Variants in SPATA31H1 observed in about 807,000 individuals in gnomAD.
SPATA31H1 encodes the protein spermatogenesis-associated protein 31H1.
chr2:27,554,386 A>G, the SPATA31H1 span, among the ~76,000 whole-genome samples: 88 of 152,100 alleles, frequency 5.8e-4, 4 homozygotes, highest in African/African-American at 2.1e-3. Context: ...GTAACAAAAT[A>G]TCATTAACTG....
the SPATA31H1 span, chr2:27,582,248 G>A: frequency 6.2e-7 from 1 of 1,612,704 alleles, no homozygotes; most frequent in Non-Finnish European, 8.5e-7. Context: ...CCGGGATGAG[G>A]CAAGGGAGGA....
the SPATA31H1 span, chr2:27,580,063 T>G: frequency 3.1e-6 from 5 of 1,614,188 alleles, no homozygotes; most frequent in Non-Finnish European, 3.4e-6. Flanking sequence ...GAGGTTCGGT[T>G]GCATCTTGGC....
the SPATA31H1 span, among the ~76,000 whole-genome samples, chr2:27,550,072 T>C: frequency 6.6e-6 from 1 of 152,048 alleles, no homozygotes; most frequent in African/African-American, 2.4e-5. Flanking sequence ...TATTTATCTA[T>C]AGATGTTTTG....
chr2:27,542,481 C>T, the SPATA31H1 span, among the ~76,000 whole-genome samples: 6 of 151,970 alleles, frequency 3.9e-5, no homozygotes, highest in African/African-American at 1.5e-4. Flanking sequence ...TAGAGGCTCT[C>T]ATATTGGATA....
chr2:27,540,565 G>C, the SPATA31H1 span, among the ~76,000 whole-genome samples: 1 of 140,462 alleles, frequency 7.1e-6, no homozygotes, highest in Admixed American at 6.9e-5. Flanking sequence ...GGTGGCTGCC[G>C]GGCGGAGACG....
chr2:27,573,109 CCA>C, the SPATA31H1 span: 1 of 397,460 alleles, frequency 2.5e-6, no homozygotes, highest in African/African-American at 2.1e-5. Flanking sequence ...TTGAAATCCT[CCA>C]CAGAGTCGGG....
the SPATA31H1 span, among the ~76,000 whole-genome samples, chr2:27,541,029 A>G: frequency 7.1e-6 from 1 of 141,186 alleles, no homozygotes; most frequent in Non-Finnish European, 1.5e-5. Flanking sequence ...TTGGGGGGCC[A>G]AGGCAGGCGG....
chr2:27,578,721 T>C, the SPATA31H1 span: 1 of 1,614,024 alleles, frequency 6.2e-7, no homozygotes, highest in African/African-American at 1.3e-5. Flanking sequence ...CTGTCAGAAG[T>C]TAACATCAGA....
chr2:27,578,065 C>A, the SPATA31H1 span: 1 of 1,614,142 alleles, frequency 6.2e-7, no homozygotes, highest in Non-Finnish European at 8.5e-7. Flanking sequence ...GTTGCTCAAT[C>A]TGAAGAGGTA....
chr2:27,560,934 T>C, the SPATA31H1 span, among the ~76,000 whole-genome samples: 36,367 of 152,070 alleles, frequency 0.24, 5,619 homozygotes, highest in East Asian at 0.49. Flanking sequence ...CCCAGACCCC[T>C]GGAATTCTCA....
chr2:27,573,106 C>T, the SPATA31H1 span: 1 of 397,572 alleles, frequency 2.5e-6, no homozygotes, highest in Non-Finnish European at 4.4e-6. Context: ...GAGTTGAAAT[C>T]CTCCACAGAG....
At chr2:27,572,041 C>A in the SPATA31H1 span, 1 of 398,432 alleles carries the variant, frequency 2.5e-6, no homozygotes, top group East Asian at 3.6e-5. Flanking sequence ...GGTGTAATGT[C>A]TTTGGAGTTA....
the SPATA31H1 span, chr2:27,566,710 T>C: frequency 3.3e-6 from 2 of 603,424 alleles, no homozygotes; most frequent in African/African-American, 3.7e-5. Context: ...CAATGCAAAC[T>C]GAAACATTTC....
At chr2:27,582,364 G>A in the SPATA31H1 span, 2 of 1,614,246 alleles carry the variant, frequency 1.2e-6, no homozygotes, top group East Asian at 2.2e-5. Flanking sequence ...CCCTCTGAGA[G>A]GAGCCGACGC....
the SPATA31H1 span, among the ~76,000 whole-genome samples, chr2:27,539,323 C>A: frequency 6.8e-6 from 1 of 146,156 alleles, no homozygotes; most frequent in Non-Finnish European, 1.5e-5. Context: ...TGACTCTTAA[C>A]GAGCATGCTG....
At chr2:27,563,019 T>C in the SPATA31H1 span, among the ~76,000 whole-genome samples, 1 of 152,250 alleles carries the variant, frequency 6.6e-6, no homozygotes, top group Non-Finnish European at 1.5e-5. Context: ...GTTTTCTACA[T>C]GGAAGTCTTC....
the SPATA31H1 span, among the ~76,000 whole-genome samples, chr2:27,545,723 C>T: frequency 1.9e-4 from 29 of 151,740 alleles, 1 homozygote; most frequent in African/African-American, 6.3e-4. Context: ...CACAGGTGTG[C>T]GCCACCATGC....
At chr2:27,564,354 C>A in the SPATA31H1 span, among the ~76,000 whole-genome samples, 1 of 152,176 alleles carries the variant, frequency 6.6e-6, no homozygotes, top group Admixed American at 6.5e-5. Flanking sequence ...TGGGCCTTGT[C>A]TTTTGCTCCT....
At chr2:27,544,212 G>C in the SPATA31H1 span, among the ~76,000 whole-genome samples, 1 of 151,890 alleles carries the variant, frequency 6.6e-6, no homozygotes, top group South Asian at 2.1e-4. Context: ...TTTTTATTAA[G>C]GTATAATTGA....
Sources: gnomAD v4.1 joint callset for allele counts (sites outside exome capture counted in the v4.1 genomes callset) on GRCh38, gnomAD v4.1.1 for gene constraint, MANE v1.5 for transcripts, NCBI Gene and HGNC (gene_info 2026-07-23, HGNC 2026-07-21) for gene names.